The following ISOC1 variants were observed in gnomAD, a reference collection of about 807,000 sequenced individuals.
ISOC1 encodes isochorismatase domain containing 1, also known as isochorismatase domain-containing protein 1.
In ISOC1, 33 loss-of-function variants were observed where a neutral mutation model predicts 30.0. The observed-to-expected ratio is 1.10, with a 90% CI of 0.83 to 1.47. The LOEUF (loss-of-function observed/expected upper bound fraction) is 1.47, where lower values mean the gene tolerates loss of function less well. Ranked by LOEUF, ISOC1 falls within the 40% of genes most tolerant of loss-of-function variation. The pLI is 0.00. For missense variants in ISOC1, 372 were observed against 388.0 expected (o/e 0.96, Z 0.35); for synonymous variants, 178 against 159.8 (o/e 1.11, Z -0.86).
intron 1 of ISOC1, chr5:129,097,583 A>G (rs1303029336): frequency 6.6e-6 from 1 of 152,216 alleles, no homozygotes; most frequent in Non-Finnish European, 1.5e-5. Flanking sequence ...AGTGAATGCA[A>G]ACTTGGATTC....
At chr5:129,109,620 A>G (rs1437488184) in intron 4 of ISOC1, among the ~76,000 whole-genome samples, 2 of 152,158 alleles carry the variant, frequency 1.3e-5, no homozygotes, top group African/African-American at 4.8e-5. Flanking sequence ...TAAAGTGTTG[A>G]GGTTGAAAGG....
chr5:129,103,052 G>C (rs1753590505), intron 1 of ISOC1, among the ~76,000 whole-genome samples: 1 of 152,146 alleles, frequency 6.6e-6, no homozygotes, highest in Non-Finnish European at 1.5e-5. Context: ...GAAACGGTGA[G>C]ACTGGCTTAC....
chr5:129,103,300 C>CT (rs1254229700), intron 1 of ISOC1, among the ~76,000 whole-genome samples: 4 of 152,114 alleles, frequency 2.6e-5, no homozygotes, highest in Non-Finnish European at 5.9e-5. Context: ...ATATAAGATC[C>CT]TAGTCACTGC....
At chr5:129,096,949 A>G (rs1753510180) in intron 1 of ISOC1, among the ~76,000 whole-genome samples, 1 of 152,172 alleles carries the variant, frequency 6.6e-6, no homozygotes, top group South Asian at 2.1e-4. Context: ...CTAGAAATTA[A>G]TGAAATGTAT....
intron 1 of ISOC1, among the ~76,000 whole-genome samples, chr5:129,103,592 A>G (rs1485836997): frequency 6.6e-6 from 1 of 152,150 alleles, no homozygotes; most frequent in African/African-American, 2.4e-5. Context: ...TAGATAAAAC[A>G]AAGTGCAAAC....
At position 129,113,088 on chromosome 5, in the gene ISOC1, C is replaced by T; in HGVS notation, c.*87C>T. 8.0e-7 allele frequency: 1 copy of T among 1,254,394 alleles called. No homozygotes were observed. The highest frequency in any genetic ancestry group is 2.5e-5 in the East Asian group (1 of 39,826). 77.7% of individuals were successfully genotyped at this position (1,254,394 alleles called of 1,614,324 possible). A position where few individuals can be genotyped will look rare whatever the true frequency, so the allele number is the denominator to read the frequency against. ...CCCACACAAGCTCTTCTTATCTCTA[C>T]TAGAATTAAAATGTTAAGTCAAAAA... On this transcript the variant is annotated 3_prime_UTR_variant, in exon 5 of 5. Coordinates refer to ENST00000173527, the MANE Select transcript of ISOC1 (RefSeq NM_016048.2).
chr5:129,105,239 A>G lies in ISOC1; in HGVS notation c.484A>G (p.Lys162Glu), dbSNP rs772018237. 8 of 1,613,900 alleles carry G rather than the reference A, an allele frequency of 5.0e-6. No homozygotes were observed. The highest frequency in any genetic ancestry group is 2.7e-5 in the African/African-American group (2 of 75,012). ...TGTTATTGTAACAGAACAATACCCTAAAGGTCTTGGGAGCACGGTTCAAGA... is the reference window on the plus strand; with the variant it reads ...TGTTATTGTAACAGAACAATACCCTGAAGGTCTTGGGAGCACGGTTCAAGA... The part of the protein sequence containing the change: ...IPVIVTEQYP[K>E]GLGSTVQEID... Residue 162 changes from lysine (K) to glutamate (E), a missense_variant, in exon 3 of 5, where the codon AAA becomes GAA. Lys to Glu is a moderately conservative substitution (Grantham distance 56). Coordinates refer to ENST00000173527, the MANE Select transcript of ISOC1 (RefSeq NM_016048.2).
intron 4 of ISOC1, among the ~76,000 whole-genome samples, chr5:129,110,272 GT>G (rs1356746045): frequency 2.0e-5 from 3 of 152,154 alleles, no homozygotes; most frequent in Admixed American, 6.5e-5. Context: ...TAATGCACAT[GT>G]ACCTGTGTGC....
chr5:129,104,922 A>C, intron 1 of ISOC1, 34 bp from the exon 2 acceptor site: 1 of 1,603,458 alleles, frequency 6.2e-7, no homozygotes. Context: ...ATTGTACAAC[A>C]AGTGCTAAAT....
intron 4 of ISOC1, among the ~76,000 whole-genome samples, chr5:129,109,614 G>C (rs1753679834): frequency 6.6e-6 from 1 of 152,194 alleles, no homozygotes; most frequent in Non-Finnish European, 1.5e-5. Context: ...TGGGGTTAAA[G>C]TGTTGAGGTT....
chr5:129,111,177 T>TA (rs1010084517), intron 4 of ISOC1, among the ~76,000 whole-genome samples: 4 of 152,078 alleles, frequency 2.6e-5, no homozygotes, highest in Non-Finnish European at 5.9e-5. Context: ...CCAGAAGTCT[T>TA]AAAAAAATAC....
Position 129,094,794 on chromosome 5 carries a change from G to C in ISOC1, c.28G>C (p.Ala10Pro). Residue 10 changes from alanine (A) to proline (P), a missense_variant, in exon 1 of 5, where the codon GCG becomes CCG. Physicochemically the swap from Ala to Pro is conservative, Grantham distance 27 (BLOSUM62 -1). Transcript: ENST00000173527. The part of the protein sequence containing the change: MAAAEPAVL[A>P]LPNSGAGGAG... ...GGCGGCTGCGGAGCCGGCGGTCCTTGCGCTCCCCAACAGCGGCGCCGGGGG... is the reference window on the plus strand; with the variant it reads ...GGCGGCTGCGGAGCCGGCGGTCCTTCCGCTCCCCAACAGCGGCGCCGGGGG... The C allele has an allele frequency of 5.9e-6, 9 of 1,523,354 alleles. No individual in the cohort carries two copies. Among genetic ancestry groups the C allele is most frequent in the Non-Finnish European group, 7.9e-6 (9 of 1,140,658 alleles). The allele number at this position is 1,523,354 out of a possible 1,614,324, so 94.4% of individuals were successfully genotyped here.
chr5:129,099,669 ATATT>A (rs1429432621), intron 1 of ISOC1, among the ~76,000 whole-genome samples: 3 of 152,272 alleles, frequency 2.0e-5, no homozygotes, highest in South Asian at 2.1e-4. Context: ...TCCTATAAAT[ATATT>A]TATAGGTTTC....
chr5:129,094,971 G>A lies in ISOC1; in HGVS notation c.205G>A (p.Val69Met). 1.9e-6 allele frequency: 3 copies of A among 1,612,036 alleles called. No individual in the cohort carries two copies. Among genetic ancestry groups the A allele is most frequent in the Non-Finnish European group, 2.5e-6 (3 of 1,179,816 alleles). Reference protein sequence around the residue: ...GDQIDMHRKFVVQLFAEEWGQ... With the variant: ...GDQIDMHRKFMVQLFAEEWGQ... ...CCAGATCGACATGCACCGCAAATTC[G>A]TGGTGCAGCTGTTCGCCGAGGAGTG... The change falls in exon 1 of 5, where the codon GTG becomes ATG. Residue 69 changes from valine to methionine, a missense_variant. Transcript: ENST00000173527.
chr5:129,095,036 C>T lies in ISOC1; in HGVS notation c.270C>T (p.Ser90=). Residue 90 remains serine, a synonymous_variant, in exon 1 of 5, where the codon AGC becomes AGT. Transcript: ENST00000173527. ...ACTTGCCCAAGGGCTTCGCGGTGAG[C>T]GAGCGCTGCAAGGTGCGCCTCGTGC... ...YVDLPKGFAV[S]ERCKVRLVPL... is the part of the protein sequence containing the mutation. The T allele has an allele frequency of 6.3e-7, 1 of 1,595,092 alleles. No individual in the cohort carries two copies. Among genetic ancestry groups the T allele is most frequent in the African/African-American group, 1.3e-5 (1 of 74,192 alleles).
intron 4 of ISOC1, 42 bp downstream of exon 4, chr5:129,107,104 C>T: frequency 6.9e-7 from 1 of 1,458,782 alleles, no homozygotes; most frequent in Non-Finnish European, 9.6e-7. Context: ...TCAAGTTTTC[C>T]AAATAAATGA....
In ISOC1 at chr5:129,094,902, G is replaced by A. The variant is rs764872647; in HGVS notation, c.136G>A (p.Gly46Ser). 4.3e-6 allele frequency: 7 copies of A among 1,611,114 alleles called. No homozygotes were observed. Among genetic ancestry groups the A allele is most frequent in the Non-Finnish European group, 5.9e-6 (7 of 1,179,534 alleles). The change falls in exon 1 of 5, where the codon GGC becomes AGC. Residue 46 changes from glycine to serine, a missense_variant. Transcript: ENST00000173527. ...ACCCTCGTCGGTGCCACACGGGGCGGGCTACGAGCTGCTCATCCAGAAGTT... is the reference window on the plus strand; with the variant it reads ...ACCCTCGTCGGTGCCACACGGGGCGAGCTACGAGCTGCTCATCCAGAAGTT... ...ARPSSVPHGAGYELLIQKFLS... is the reference protein window; with the variant it reads ...ARPSSVPHGASYELLIQKFLS...
chr5:129,105,161 T>C (rs546991802), intron 2 of ISOC1, 24 bp from the exon 3 acceptor site: 2 of 1,612,966 alleles, frequency 1.2e-6, no homozygotes, highest in Admixed American at 1.7e-5. Flanking sequence ...CTAATTGTTT[T>C]TGTGTTTGGT....
At chr5:129,103,938 T>C (rs1354815515) in intron 1 of ISOC1, among the ~76,000 whole-genome samples, 2 of 152,240 alleles carry the variant, frequency 1.3e-5, no homozygotes, top group South Asian at 2.1e-4. Context: ...GAAAAGCACC[T>C]CAGACTTTTA....
Sources: gnomAD v4.1 joint callset for allele counts (sites outside exome capture counted in the v4.1 genomes callset) on GRCh38, gnomAD v4.1.1 for gene constraint, MANE v1.5 for transcripts, NCBI Gene and HGNC (gene_info 2026-07-23, HGNC 2026-07-21) for gene names.